LAMA2: variants seen among roughly 807,000 people sequenced by gnomAD.
LAMA2 encodes laminin subunit alpha-2.
A neutral mutation model predicts 364.8 loss-of-function variants in LAMA2; 269 were observed. That is an observed-to-expected ratio of 0.74 (90% CI 0.67 to 0.82). The LOEUF (loss-of-function observed/expected upper bound fraction) is 0.82, where lower values mean the gene tolerates loss of function less well. Among genes scored for constraint, LAMA2 ranks in the 40% least tolerant of loss-of-function variants. The pLI, the probability that LAMA2 is intolerant of heterozygous loss-of-function variation, is 0.00. For synonymous variants in LAMA2, 1,379 were observed against 1,370.6 expected, an observed-to-expected ratio of 1.01 and a Z score of -0.14; for missense variants, 3,807 against 3,873.2, an observed-to-expected ratio of 0.98 and a Z score of 0.45.
chr6:129,089,036 G>A (rs1774628528), intron 3 of LAMA2, among the ~76,000 whole-genome samples: 1 of 152,350 alleles, frequency 6.6e-6, no homozygotes, highest in South Asian at 2.1e-4. Context: ...TGAGCACTGA[G>A]TGAACGAGAC....
intron 12 of LAMA2, among the ~76,000 whole-genome samples, chr6:129,249,775 CTGTT>C (rs781627522): frequency 1.3e-5 from 2 of 152,148 alleles, no homozygotes; most frequent in South Asian, 4.1e-4. Flanking sequence ...AGATCGTTCT[CTGTT>C]TGGGATTTGT....
chr6:128,986,964 G>A (rs560274164), intron 1 of LAMA2, among the ~76,000 whole-genome samples: 1 of 151,826 alleles, frequency 6.6e-6, no homozygotes, highest in South Asian at 2.1e-4. Flanking sequence ...TTTATTTAGG[G>A]TTATCTTTCC....
At chr6:129,267,255 A>G (rs766281525) in intron 16 of LAMA2, 36 bp downstream of exon 16, 2 of 1,370,376 alleles carry the variant, frequency 1.5e-6, no homozygotes, top group Non-Finnish European at 2.1e-6. Context: ...CTGATTGACA[A>G]GGCTGAAATC....
intron 1 of LAMA2, among the ~76,000 whole-genome samples, chr6:128,924,117 A>G (rs1186078051): frequency 6.6e-6 from 1 of 152,208 alleles, no homozygotes; most frequent in Non-Finnish European, 1.5e-5. Flanking sequence ...TAAATCTATT[A>G]AAATCATACT....
intron 1 of LAMA2, among the ~76,000 whole-genome samples, chr6:129,023,178 A>G (rs1785558010): frequency 6.6e-6 from 1 of 152,132 alleles, no homozygotes; most frequent in African/African-American, 2.4e-5. Flanking sequence ...TAAATCCAAT[A>G]AGCCTTTCAT....
rs935913660 is a variant in LAMA2 at position 128,907,458 on chromosome 6, T to C, written c.112+24101T>C. Among the ~76,000 whole-genome samples, 256 of 152,324 alleles carry C rather than the reference T, an allele frequency of 1.7e-3. 1 individual carries two copies. The highest frequency in any genetic ancestry group is 6.0e-3 in the African/African-American group (250 of 41,546). ...TTTGTCTGTTGTTGGTGTATAAGAATGCTTGTGATTTTTGCACATTGATTT... is the reference window on the plus strand; with the variant it reads ...TTTGTCTGTTGTTGGTGTATAAGAACGCTTGTGATTTTTGCACATTGATTT... On this transcript the variant is annotated intron_variant, in intron 1 of 64. Transcript: ENST00000421865.
chr6:129,252,070 T>C lies in LAMA2; in HGVS notation c.1885-14T>C, dbSNP rs774157763. The C allele has an allele frequency of 8.8e-6, 14 of 1,592,738 alleles. No homozygotes were observed. Among genetic ancestry groups the C allele is most frequent in the Non-Finnish European group, 1.2e-5 (14 of 1,161,668 alleles). ...AGTTTTACTCTTTTTTATTTCTTTT[T>C]TTTCCCCCTTTAGGGTAATGACTTG... On this transcript the variant is annotated splice_polypyrimidine_tract_variant and intron_variant, in intron 13 of 64. Transcript: ENST00000421865.
At chr6:128,916,950 A>G (rs1778355736) in intron 1 of LAMA2, among the ~76,000 whole-genome samples, 1 of 152,180 alleles carries the variant, frequency 6.6e-6, no homozygotes, top group Non-Finnish European at 1.5e-5. Flanking sequence ...ACTTTTAAGC[A>G]TTAGGTTTGA....
intron 19 of LAMA2, 94 bp from the exon 20 acceptor site, chr6:129,291,520 G>T (rs544261066): frequency 1.2e-5 from 10 of 858,868 alleles, no homozygotes; most frequent in Admixed American, 3.9e-5. Flanking sequence ...GAACTTAGGC[G>T]TCCATGTTAC....
chr6:129,136,129 C>T (rs1299297551), intron 4 of LAMA2, among the ~76,000 whole-genome samples: 4 of 151,658 alleles, frequency 2.6e-5, no homozygotes, highest in Admixed American at 6.6e-5. Context: ...TCCTTTTGTA[C>T]GTCATGCCCA....
intron 3 of LAMA2, among the ~76,000 whole-genome samples, chr6:129,080,199 T>C (rs934880424): frequency 1.6e-4 from 25 of 152,268 alleles, no homozygotes; most frequent in African/African-American, 5.5e-4. Context: ...AATTAGTACA[T>C]TTTGTATCAC....
intron 1 of LAMA2, among the ~76,000 whole-genome samples, chr6:128,912,370 TA>T (rs1778025338): frequency 6.6e-6 from 1 of 152,284 alleles, no homozygotes; most frequent in South Asian, 2.1e-4. Flanking sequence ...TTTACACAAT[TA>T]AAAAACTAAA....
At chr6:129,158,409 C>T (rs558065948) in intron 8 of LAMA2, 23 of 1,613,900 alleles carry the variant, frequency 1.4e-5, no homozygotes, top group Middle Eastern at 1.7e-4. Flanking sequence ...ACCAACTTGC[C>T]GGACCATCTG....
At chr6:129,301,573 G>A (rs1488257091) in intron 22 of LAMA2, among the ~76,000 whole-genome samples, 1 of 152,108 alleles carries the variant, frequency 6.6e-6, no homozygotes, top group Non-Finnish European at 1.5e-5. Flanking sequence ...GACTTAGGAT[G>A]ACTCCTAGGT....
intron 1 of LAMA2, among the ~76,000 whole-genome samples, chr6:129,038,079 T>C (rs1786790099): frequency 1.3e-5 from 2 of 152,212 alleles, no homozygotes; most frequent in South Asian, 2.1e-4. Flanking sequence ...CAGTTAAAGA[T>C]AGTGAAAATA....
At chr6:129,184,658 C>T (rs28615849) in intron 10 of LAMA2, among the ~76,000 whole-genome samples, 2,928 of 151,968 alleles carry the variant, frequency 0.019, 115 homozygotes, top group African/African-American at 0.066. Flanking sequence ...ATTGTTCGCC[C>T]CTGATCCTTG....
chr6:129,292,333 G>A (rs988774758), intron 20 of LAMA2, among the ~76,000 whole-genome samples: 12 of 152,278 alleles, frequency 7.9e-5, no homozygotes, highest in African/African-American at 2.9e-4. Flanking sequence ...GCGACCGAGT[G>A]AGACTCCATC....
chr6:129,173,854 T>G (rs1443233519), intron 9 of LAMA2, among the ~76,000 whole-genome samples: 1 of 152,172 alleles, frequency 6.6e-6, no homozygotes, highest in African/African-American at 2.4e-5. Flanking sequence ...ATACGATGTA[T>G]TTCTTCTCTG....
At chr6:129,484,278 A>G (rs1784491738) in intron 55 of LAMA2, among the ~76,000 whole-genome samples, 1 of 152,200 alleles carries the variant, frequency 6.6e-6, no homozygotes, top group South Asian at 2.1e-4. Flanking sequence ...AAAGAACAGT[A>G]TTGGAAAGAT....
Sources: gnomAD v4.1 joint callset for allele counts (sites outside exome capture counted in the v4.1 genomes callset) on GRCh38, gnomAD v4.1.1 for gene constraint, MANE v1.5 for transcripts, NCBI Gene and HGNC (gene_info 2026-07-23, HGNC 2026-07-21) for gene names.